MAGED1: variants seen among roughly 807,000 people sequenced by gnomAD.
MAGED1 encodes the protein MAGE family member D1.
A neutral mutation model predicts 54.1 loss-of-function variants in MAGED1; 3 were observed. The observed-to-expected ratio is 0.06, with a 90% CI of 0.03 to 0.14. The LOEUF (loss-of-function observed/expected upper bound fraction) is 0.14, where lower values mean the gene tolerates loss of function less well. Ranked by LOEUF, MAGED1 falls within the 10% of genes least tolerant of loss-of-function variation. MAGED1 has a pLI of 1.00. For missense variants in MAGED1, 485 were observed against 623.4 expected (o/e 0.78, Z 2.36); for synonymous variants, 217 against 227.3 (o/e 0.95, Z 0.41).
intron 1 of MAGED1, among the ~76,000 whole-genome samples, chrX:51,864,350 G>T (rs1927390267): frequency 9.0e-6 from 1 of 111,585 alleles, no homozygotes; most frequent in African/African-American, 3.3e-5. Context: ...GTATATGCAT[G>T]GATTTGTTTC....
intron 1 of MAGED1, among the ~76,000 whole-genome samples, chrX:51,876,593 T>C (rs1229052438): frequency 9.0e-6 from 1 of 110,855 alleles, no homozygotes; most frequent in Admixed American, 9.6e-5. Flanking sequence ...CTCACAACAC[T>C]GTAAATTCTT....
chrX:51,853,077 T>C (rs1163933319), intron 1 of MAGED1, among the ~76,000 whole-genome samples: 3 of 111,274 alleles, frequency 2.7e-5, no homozygotes, highest in Non-Finnish European at 5.6e-5. Flanking sequence ...GATAATTTCG[T>C]CTTACCTGTC....
intron 1 of MAGED1, among the ~76,000 whole-genome samples, chrX:51,822,690 G>A (rs1040142632): frequency 1.8e-5 from 2 of 110,853 alleles, no homozygotes; most frequent in African/African-American, 6.5e-5. Flanking sequence ...TCTCAGTCAT[G>A]GTGTGGAGTT....
At chrX:51,865,338 G>C (rs1390800776) in intron 1 of MAGED1, among the ~76,000 whole-genome samples, 1 of 111,784 alleles carries the variant, frequency 8.9e-6, no homozygotes, top group Admixed American at 9.5e-5. Context: ...AATAATGCTG[G>C]CTATGTAATA....
At chrX:51,876,673 C>T (rs1159495457) in intron 1 of MAGED1, among the ~76,000 whole-genome samples, 1 of 111,668 alleles carries the variant, frequency 9.0e-6, no homozygotes, top group Non-Finnish European at 1.9e-5. Flanking sequence ...AGTAGCATGA[C>T]TAGTATGCTC....
intron 1 of MAGED1, among the ~76,000 whole-genome samples, chrX:51,829,366 G>A (rs1925977877): frequency 9.1e-6 from 1 of 109,723 alleles, no homozygotes; most frequent in African/African-American, 3.3e-5. Context: ...ATTAGTAAAT[G>A]AAAGAGGTGT....
At chrX:51,834,054 A>G (rs1926162136) in intron 1 of MAGED1, among the ~76,000 whole-genome samples, 1 of 112,199 alleles carries the variant, frequency 8.9e-6, no homozygotes, top group Non-Finnish European at 1.9e-5. Context: ...TTCTTCTACA[A>G]ACTTGCTTTT....
At position 51,894,279 on chromosome X, in the gene MAGED1, C is replaced by G. The variant is rs782266362; in HGVS notation, c.-26C>G. The G allele has an allele frequency of 3.4e-6, 4 of 1,184,445 alleles. No individual in the cohort carries two copies. The highest frequency in any genetic ancestry group is 4.6e-6 in the Non-Finnish European group (4 of 878,098). On this transcript the variant is annotated 5_prime_UTR_variant, in exon 2 of 13. Coordinates refer to ENST00000326587, the MANE Select transcript of MAGED1 (RefSeq NM_006986.4). The stretch of plus-strand genomic sequence containing the variant: ...GCCCCTCTCCCACAGCCCCCAGGCT[C>G]CGCTCTTGCCAGAGGGACAGGAGCC...
rs148286073 is a variant in MAGED1, at chrX:51,897,120, C to G, written c.1422+43C>G. 7.9e-4 allele frequency: 950 copies of G among 1,198,164 alleles called. 7 individuals are homozygous for G. In the African/African-American group the frequency reaches 0.014, roughly 18 times the overall value. On this transcript the variant is annotated intron_variant, in intron 4 of 12. Transcript: ENST00000326587. ...CCAGTCACTTTTCCCCTCTCTTGCT[C>G]TTTTCTTTGTCATCCTCTCATCTGT... is the stretch of plus-strand genomic sequence containing the variant.
intron 1 of MAGED1, among the ~76,000 whole-genome samples, chrX:51,828,478 G>T (rs1240686671): frequency 1.8e-5 from 2 of 109,793 alleles, no homozygotes; most frequent in African/African-American, 3.3e-5. Flanking sequence ...TTTGTGCCTG[G>T]AGAACTTCTT....
chrX:51,868,975 G>T (rs1363847465), intron 1 of MAGED1, among the ~76,000 whole-genome samples: 1 of 112,009 alleles, frequency 8.9e-6, no homozygotes, highest in Non-Finnish European at 1.9e-5. Context: ...GTTGAATAAA[G>T]TATATGATGG....
intron 11 of MAGED1, among the ~76,000 whole-genome samples, chrX:51,901,307 A>G (rs1557364913): frequency 8.9e-6 from 1 of 111,801 alleles, no homozygotes; most frequent in Non-Finnish European, 1.9e-5. Context: ...TTCCATGTAT[A>G]AGTGAGGTCA....
At chrX:51,849,061 C>T (rs1340169504) in intron 1 of MAGED1, among the ~76,000 whole-genome samples, 1 of 108,388 alleles carries the variant, frequency 9.2e-6, no homozygotes, top group Non-Finnish European at 1.9e-5. Flanking sequence ...GCTCTGTGGT[C>T]CACTTGGAAT....
At chrX:51,868,779 A>G (rs1248042380) in intron 1 of MAGED1, among the ~76,000 whole-genome samples, 1 of 111,229 alleles carries the variant, frequency 9.0e-6, no homozygotes, top group Non-Finnish European at 1.9e-5. Flanking sequence ...GTGTAATGTC[A>G]TTATGGAAGA....
In MAGED1 at chrX:51,886,874, A is replaced by T. The variant is rs140066945; in HGVS notation, c.-36-7395A>T. ...AGTTCGAAACCAGCCTAGGCAACAT[A>T]GGGAGACCACATCTCTACAAAAATT... On this transcript the variant is annotated intron_variant, in intron 1 of 12. Transcript: ENST00000375772. Among the ~76,000 whole-genome samples the T allele has an allele frequency of 2.0e-4, 22 of 110,427 alleles. No homozygotes were observed. In the East Asian group the frequency reaches 6.0e-3, roughly 30 times the overall value.
At chrX:51,861,759 C>T (rs1477284514) in intron 1 of MAGED1, among the ~76,000 whole-genome samples, 1 of 111,597 alleles carries the variant, frequency 9.0e-6, no homozygotes, top group Non-Finnish European at 1.9e-5. Context: ...TCTTGGCTCA[C>T]TGCAACCTCT....
At chrX:51,808,950 C>T (rs1557355333) in intron 1 of MAGED1, among the ~76,000 whole-genome samples, 1 of 110,982 alleles carries the variant, frequency 9.0e-6, no homozygotes, top group South Asian at 3.8e-4. Context: ...TCTTTTTTCT[C>T]TTTTTTGAGA....
At chrX:51,883,970 A>C (rs1219634448) in intron 1 of MAGED1, among the ~76,000 whole-genome samples, 1 of 111,857 alleles carries the variant, frequency 8.9e-6, no homozygotes, top group Non-Finnish European at 1.9e-5. Flanking sequence ...AGAAAAATAT[A>C]CTGAAAAACA....
chrX:51,894,145 C>T, intron 1 of MAGED1, 124 bp from the exon 2 acceptor site: 3 of 453,390 alleles, frequency 6.6e-6, no homozygotes, highest in Middle Eastern at 4.2e-4. Context: ...ACTTTTACCG[C>T]TCCGATCCGT....
Sources: allele counts gnomAD v4.1 joint callset (sites outside exome capture counted in the v4.1 genomes callset), GRCh38; gene constraint gnomAD v4.1.1; transcripts MANE v1.5; gene names NCBI Gene and HGNC (gene_info 2026-07-23, HGNC 2026-07-21).